Variants in CNTN4 observed in about 807,000 individuals in gnomAD.
CNTN4 encodes contactin 4.
A neutral mutation model predicts 122.5 loss-of-function variants in CNTN4; 77 were observed. The ratio of observed to expected loss-of-function variants is 0.63; its 90% CI spans 0.52 to 0.76. CNTN4 has a LOEUF of 0.76. Among genes scored for constraint, CNTN4 ranks in the 30% least tolerant of loss-of-function variants. The probability of loss-of-function intolerance (pLI) is 0.00; values close to 1 mark genes in which losing one functional copy is unlikely to be tolerated. For missense variants in CNTN4, 1,256 were observed against 1,259.1 expected (o/e 1.00, Z 0.04); for synonymous variants, 512 against 447.0 (o/e 1.15, Z -1.83).
At chr3:2,105,315 C>G (rs1180178125) in intron 2 of CNTN4, among the ~76,000 whole-genome samples, 1 of 152,176 alleles carries the variant, frequency 6.6e-6, no homozygotes, top group Non-Finnish European at 1.5e-5. Context: ...CCTCTTGCAT[C>G]ATGTGAGCCC....
At chr3:2,703,088 G>C (rs1026934806) in intron 4 of CNTN4, among the ~76,000 whole-genome samples, 2 of 152,146 alleles carry the variant, frequency 1.3e-5, no homozygotes, top group East Asian at 3.9e-4. Flanking sequence ...CTAGGCAATA[G>C]TTATTCTTAT....
At chr3:2,805,476 G>A (rs1213527738) in intron 6 of CNTN4, among the ~76,000 whole-genome samples, 1 of 152,172 alleles carries the variant, frequency 6.6e-6, no homozygotes, top group African/African-American at 2.4e-5. Flanking sequence ...TGAGAATGTA[G>A]CTGGATATTA....
chr3:2,923,126 A>G (rs1042427049), intron 12 of CNTN4, among the ~76,000 whole-genome samples: 9 of 152,204 alleles, frequency 5.9e-5, no homozygotes, highest in Non-Finnish European at 8.8e-5. Flanking sequence ...TGTTGTGCAC[A>G]GTTTGATTTA....
chr3:2,997,201 A>G (rs930899661), intron 14 of CNTN4, among the ~76,000 whole-genome samples: 3 of 152,250 alleles, frequency 2.0e-5, no homozygotes, highest in Non-Finnish European at 4.4e-5. Flanking sequence ...AAACTTAGGC[A>G]CTTTTACCTT....
chr3:2,976,651 C>G (rs1693442263), intron 13 of CNTN4, among the ~76,000 whole-genome samples: 1 of 152,176 alleles, frequency 6.6e-6, no homozygotes, highest in African/African-American at 2.4e-5. Context: ...AAGCCATCTT[C>G]TAGAGGTCTC....
chr3:2,293,723 C>G (rs1257655726), intron 2 of CNTN4, among the ~76,000 whole-genome samples: 1 of 152,144 alleles, frequency 6.6e-6, no homozygotes, highest in African/African-American at 2.4e-5. Flanking sequence ...TAAATGTTTT[C>G]ATTTTAGCAT....
chr3:2,099,938 C>T (rs2031770048), intron 1 of CNTN4, among the ~76,000 whole-genome samples: 4 of 152,140 alleles, frequency 2.6e-5, no homozygotes, highest in Admixed American at 2.0e-4. Context: ...GACGTGGGCT[C>T]CTGAATCCCT....
chr3:2,983,325 C>G (rs753295088), intron 13 of CNTN4, among the ~76,000 whole-genome samples: 1 of 148,316 alleles, frequency 6.7e-6, no homozygotes, highest in Non-Finnish European at 1.5e-5. Context: ...ATATCATCCC[C>G]CTTCTGTGTC....
intron 4 of CNTN4, among the ~76,000 whole-genome samples, chr3:2,669,532 CA>C (rs1553606615): frequency 2.0e-5 from 3 of 152,060 alleles, no homozygotes; most frequent in Non-Finnish European, 4.4e-5. Context: ...TTGATCTTTT[CA>C]AAAAACCACC....
chr3:2,409,791 CTATG>C (rs1327225534), intron 3 of CNTN4, among the ~76,000 whole-genome samples: 1 of 151,928 alleles, frequency 6.6e-6, no homozygotes, highest in Non-Finnish European at 1.5e-5. Context: ...TGTATATTAT[CTATG>C]TATACACTAT....
At chr3:2,778,093 A>C (rs1445650005) in intron 6 of CNTN4, among the ~76,000 whole-genome samples, 1 of 144,568 alleles carries the variant, frequency 6.9e-6, no homozygotes, top group South Asian at 2.4e-4. Flanking sequence ...GGGCGCCTGT[A>C]GTCCCAGCTA....
chr3:2,495,022 G>A (rs1326879003), intron 3 of CNTN4, among the ~76,000 whole-genome samples: 3 of 152,048 alleles, frequency 2.0e-5, no homozygotes, highest in Non-Finnish European at 4.4e-5. Flanking sequence ...TTAAGTCCTC[G>A]AGAGATCTGG....
chr3:3,003,713 A>AAAAAAAAAAC (rs1696299664), intron 14 of CNTN4, among the ~76,000 whole-genome samples: 1 of 144,354 alleles, frequency 6.9e-6, no homozygotes. Flanking sequence ...AAAAAAAAAA[A>AAAAAAAAAAC]ACAAAAAAAC....
chr3:2,557,142 A>G (rs1044073631), intron 3 of CNTN4, among the ~76,000 whole-genome samples: 22 of 152,166 alleles, frequency 1.4e-4, no homozygotes, highest in African/African-American at 5.1e-4. Context: ...TTTGCAGATG[A>G]TTCAACTATT....
chr3:2,727,290 G>T (rs183323801), intron 4 of CNTN4, among the ~76,000 whole-genome samples: 1,591 of 152,266 alleles, frequency 0.01, 17 homozygotes, highest in African/African-American at 0.036. Flanking sequence ...ATAATCAAAC[G>T]CATTTCTAAT....
chr3:2,946,964 C>G (rs2094685673), intron 13 of CNTN4, among the ~76,000 whole-genome samples: 1 of 152,080 alleles, frequency 6.6e-6, no homozygotes, highest in Admixed American at 6.5e-5. Context: ...CCTTGTCCTC[C>G]CAAAGTGCTG....
chr3:2,770,839 T>C (rs2091065497), intron 6 of CNTN4, among the ~76,000 whole-genome samples: 1 of 152,228 alleles, frequency 6.6e-6, no homozygotes, highest in Admixed American at 6.5e-5. Context: ...GCTCAGGGGC[T>C]CTGCTACCAA....
At chr3:2,380,594 T>C (rs1158227143) in intron 3 of CNTN4, among the ~76,000 whole-genome samples, 1 of 152,230 alleles carries the variant, frequency 6.6e-6, no homozygotes, top group Non-Finnish European at 1.5e-5. Context: ...TTACACTGAG[T>C]AGATCTAACA....
chr3:2,659,460 C>CAAAAAAAAAAAAAAAA (rs59025670), intron 4 of CNTN4, among the ~76,000 whole-genome samples: 1 of 53,974 alleles, frequency 1.9e-5, no homozygotes, highest in African/African-American at 6.5e-5. Context: ...GACTCCATCT[C>CAAAAAAAAAAAAAAAA]AAAAAAAAAA....
Sources: allele counts gnomAD v4.1 joint callset (sites outside exome capture counted in the v4.1 genomes callset), GRCh38; gene constraint gnomAD v4.1.1; transcripts MANE v1.5; gene names NCBI Gene and HGNC (gene_info 2026-07-23, HGNC 2026-07-21).